Variants in PRKACB observed in about 807,000 individuals in gnomAD.
PRKACB encodes the protein protein kinase cAMP-activated catalytic subunit beta.
PRKACB carries 16 observed loss-of-function variants against 51.4 expected under a neutral mutation model. The ratio of observed to expected loss-of-function variants is 0.31; its 90% CI spans 0.21 to 0.47. The LOEUF (loss-of-function observed/expected upper bound fraction) is 0.47. PRKACB is among the 20% of genes least tolerant of loss of function. The pLI is 1.00. For missense variants in PRKACB, 309 were observed against 464.5 expected, an observed-to-expected ratio of 0.67 and a Z score of 3.08; for synonymous variants, 147 against 154.4, an observed-to-expected ratio of 0.95 and a Z score of 0.35.
At position 84,102,269 on chromosome 1, in the gene PRKACB, C is replaced by A. The variant is rs1034488831; in HGVS notation, c.46+23898C>A. 5.3e-5 allele frequency among the ~76,000 whole-genome samples: 8 copies of A among 151,750 alleles called. No individual in the cohort carries two copies. The East Asian group carries it at 1.5e-3, about 29-fold the overall frequency. ...GGGCGTGGTGTTGGGCACCTGTAGT[C>A]CCAGCTGCTTGGGAGGCTAAGGTAG... On this transcript the variant is annotated intron_variant, in intron 1 of 8. Transcript: ENST00000370688.
chr1:84,149,149 A>G (rs376365165), intron 1 of PRKACB, among the ~76,000 whole-genome samples: 15 of 152,332 alleles, frequency 9.8e-5, no homozygotes, highest in African/African-American at 3.4e-4. Context: ...TTGAAACTAC[A>G]GGAAAAAACA....
At chr1:84,201,412 A>G (rs1670063496) in intron 7 of PRKACB, among the ~76,000 whole-genome samples, 1 of 151,724 alleles carries the variant, frequency 6.6e-6, no homozygotes, top group African/African-American at 2.4e-5. Flanking sequence ...ATGTGTTTTG[A>G]TTTCTATACC....
intron 1 of PRKACB, among the ~76,000 whole-genome samples, chr1:84,169,615 A>G (rs1414878518): frequency 3.3e-5 from 5 of 151,848 alleles, no homozygotes; most frequent in Admixed American, 2.6e-4. Context: ...AAATTATAAA[A>G]GAAAATAAAA....
chr1:84,078,416 C>T (rs1647254226), intron 1 of PRKACB: 4 of 1,597,706 alleles, frequency 2.5e-6, no homozygotes, highest in Non-Finnish European at 3.4e-6. Context: ...CGGGCCGGCG[C>T]GGGGCACCGA....
chr1:84,233,007 C>T (rs542718160), intron 9 of PRKACB, among the ~76,000 whole-genome samples: 1 of 151,764 alleles, frequency 6.6e-6, no homozygotes, highest in African/African-American at 2.4e-5. Context: ...TCTTCATAGT[C>T]TCGATGGTCT....
At chr1:84,210,796 TTATTTTC>T (rs1338331263) in intron 8 of PRKACB, among the ~76,000 whole-genome samples, 3 of 152,196 alleles carry the variant, frequency 2.0e-5, no homozygotes, top group Non-Finnish European at 4.4e-5. Context: ...TTTGTTGAAG[TTATTTTC>T]TGTTTTTCAC....
At chr1:84,212,491 G>A (rs928609436) in intron 8 of PRKACB, among the ~76,000 whole-genome samples, 5 of 147,808 alleles carry the variant, frequency 3.4e-5, no homozygotes, top group Admixed American at 3.3e-4. Flanking sequence ...CTTTTAGAAA[G>A]TCAGAATATA....
chr1:84,175,086 A>G, intron 1 of PRKACB: 3 of 1,413,966 alleles, frequency 2.1e-6, no homozygotes, highest in East Asian at 2.8e-5. Flanking sequence ...TAAAACAAAT[A>G]TTACCTTTAA....
chr1:84,175,573 T>C (rs1660948508), intron 1 of PRKACB, among the ~76,000 whole-genome samples: 1 of 151,810 alleles, frequency 6.6e-6, no homozygotes. Flanking sequence ...GAAGTTATGC[T>C]GTGCCTGAAT....
chr1:84,190,770 T>C (rs952707875), intron 5 of PRKACB, among the ~76,000 whole-genome samples: 18 of 152,128 alleles, frequency 1.2e-4, no homozygotes, highest in African/African-American at 4.3e-4. Context: ...TCTTGTTGAA[T>C]TGAACCCTTG....
intron 5 of PRKACB, among the ~76,000 whole-genome samples, chr1:84,189,117 C>T (rs577802978): frequency 1.3e-5 from 2 of 151,856 alleles, no homozygotes; most frequent in African/African-American, 4.8e-5. Context: ...GCAGTATGCT[C>T]ATTATTTCTT....
intron 9 of PRKACB, among the ~76,000 whole-genome samples, chr1:84,234,369 TTGTC>T (rs1429513909): frequency 6.6e-6 from 1 of 152,196 alleles, no homozygotes; most frequent in Non-Finnish European, 1.5e-5. Flanking sequence ...GTCTTTTTGT[TTGTC>T]TGTGCCCTGC....
At chr1:84,130,123 G>A (rs1652025601) in intron 1 of PRKACB, among the ~76,000 whole-genome samples, 1 of 143,130 alleles carries the variant, frequency 7.0e-6, no homozygotes, top group South Asian at 2.2e-4. Flanking sequence ...CTGGGAGGCG[G>A]AGCTTGCAGT....
At chr1:84,107,850 G>T (rs927828779) in intron 1 of PRKACB, among the ~76,000 whole-genome samples, 2 of 152,078 alleles carry the variant, frequency 1.3e-5, no homozygotes, top group Non-Finnish European at 1.5e-5. Flanking sequence ...TGACAAGCTT[G>T]CAGAGAAAAG....
chr1:84,203,668 TTCTA>T (rs1329296446), intron 8 of PRKACB, among the ~76,000 whole-genome samples: 1 of 151,994 alleles, frequency 6.6e-6, no homozygotes, highest in Admixed American at 6.6e-5. Context: ...TTTCCCTTCT[TTCTA>T]TTTCTACATG....
At chr1:84,175,727 G>A (rs1168628428) in intron 1 of PRKACB, 1 of 1,376,940 alleles carries the variant, frequency 7.3e-7, no homozygotes, top group East Asian at 2.4e-5. Context: ...CATAAAAATT[G>A]TCTCTCTTTT....
intron 9 of PRKACB, among the ~76,000 whole-genome samples, chr1:84,222,629 T>C (rs755282227): frequency 3.3e-5 from 5 of 152,204 alleles, no homozygotes; most frequent in Non-Finnish European, 7.4e-5. Flanking sequence ...TTCATGATGG[T>C]AAATATCATT....
intron 1 of PRKACB, among the ~76,000 whole-genome samples, chr1:84,128,007 C>CTTTTTTTTTTTTTTTTTTTTTTTTTTTTT: frequency 9.5e-6 from 1 of 105,396 alleles, no homozygotes; most frequent in Non-Finnish European, 1.9e-5. Flanking sequence ...CTTTTTTTTT[C>CTTTTTTTTTTTTTTTTTTTTTTTTTTTTT]TTTTTTTTTT....
chr1:84,217,298 T>C (rs191758615), intron 9 of PRKACB, among the ~76,000 whole-genome samples: 2 of 152,304 alleles, frequency 1.3e-5, no homozygotes, highest in East Asian at 3.9e-4. Context: ...ACCATCCAAA[T>C]AGAACCTAGT....
Sources: allele counts gnomAD v4.1 joint callset (sites outside exome capture counted in the v4.1 genomes callset), GRCh38; gene constraint gnomAD v4.1.1; transcripts MANE v1.5; gene names NCBI Gene and HGNC (gene_info 2026-07-23, HGNC 2026-07-21).